The following ZFC3H1 variants were observed in gnomAD, a reference collection of about 807,000 sequenced individuals.
ZFC3H1 encodes zinc finger C3H1-type containing.
Under a neutral mutation model 243.7 loss-of-function variants are expected in ZFC3H1, and 71 were observed. The ratio of observed to expected loss-of-function variants is 0.29; its 90% CI spans 0.24 to 0.36. ZFC3H1 has a LOEUF of 0.36. ZFC3H1 is among the 10% of genes least tolerant of loss of function. The pLI, the probability that ZFC3H1 is intolerant of heterozygous loss-of-function variation, is 1.00. For synonymous variants in ZFC3H1, 838 were observed against 813.0 expected, an observed-to-expected ratio of 1.03 and a Z score of -0.52; for missense variants, 1,966 against 2,317.1, an observed-to-expected ratio of 0.85 and a Z score of 3.11.
intron 6 of ZFC3H1, among the ~76,000 whole-genome samples, chr12:71,640,181 C>T (rs1224965735): frequency 6.6e-6 from 1 of 152,204 alleles, no homozygotes; most frequent in African/African-American, 2.4e-5. Context: ...GCCACCACTA[C>T]TGGCTAATTT....
intron 9 of ZFC3H1, 88 bp from the exon 10 acceptor site, chr12:71,635,668 C>T: frequency 3.0e-6 from 4 of 1,345,540 alleles, no homozygotes; most frequent in South Asian, 1.7e-5. Flanking sequence ...TAATGGGCTC[C>T]AAGTAGACAG....
At chr12:71,634,611 T>C (rs1217113846) in intron 11 of ZFC3H1, 93 bp downstream of exon 11, 4 of 1,358,892 alleles carry the variant, frequency 2.9e-6, no homozygotes, top group Non-Finnish European at 4.0e-6. Context: ...GATAAAACTA[T>C]CATCACTCAT....
At chr12:71,615,385 T>A in intron 27 of ZFC3H1, 69 bp from the exon 28 acceptor site, 2 of 1,028,938 alleles carry the variant, frequency 1.9e-6, no homozygotes, top group South Asian at 2.9e-5. Context: ...ACATATTTTT[T>A]AAAATCGTTA....
At position 71,633,320 on chromosome 12, in the gene ZFC3H1, C is replaced by T; in HGVS notation, c.2629G>A (p.Ala877Thr). ...TTAACATTAAGAATTTTTTCAGTTG[C>T]TTGAAGCTGTTCTGTAAGTTTTGTA... ...KITKLTEQLQATEKILNVNRM... is the reference protein window; with the variant it reads ...KITKLTEQLQTTEKILNVNRM... The change falls in exon 13 of 35, where the codon GCA (alanine) becomes ACA (threonine). Residue 877 changes from alanine to threonine, a missense_variant. Ala to Thr is a moderately conservative substitution (Grantham distance 58). Coordinates refer to ENST00000378743, the MANE Select transcript of ZFC3H1 (RefSeq NM_144982.5). 1.4e-5 allele frequency: 23 copies of T among 1,597,998 alleles called. No individual in the cohort carries two copies. The highest frequency in any genetic ancestry group is 2.0e-5 in the Non-Finnish European group (23 of 1,174,432).
At chr12:71,624,961 C>T (rs1042483452) in intron 22 of ZFC3H1, among the ~76,000 whole-genome samples, 23 of 151,932 alleles carry the variant, frequency 1.5e-4, no homozygotes, top group Admixed American at 6.6e-4. Flanking sequence ...AGCGAGACTC[C>T]GTCTCAAAAA....
At chr12:71,626,073 T>A (rs1038392698) in intron 22 of ZFC3H1, among the ~76,000 whole-genome samples, 187 bp downstream of exon 22, 44 of 152,294 alleles carry the variant, frequency 2.9e-4, no homozygotes, top group African/African-American at 9.9e-4. Flanking sequence ...ATTTTCTTCT[T>A]GCTTAGTCTA....
chr12:71,624,912 A>G (rs1291605100), intron 22 of ZFC3H1, among the ~76,000 whole-genome samples: 1 of 152,238 alleles, frequency 6.6e-6, no homozygotes, highest in Non-Finnish European at 1.5e-5. Context: ...GGTTGCAGTG[A>G]GCCAACATCA....
At chr12:71,646,727 C>G (rs771201042) in intron 3 of ZFC3H1, among the ~76,000 whole-genome samples, 10 of 152,180 alleles carry the variant, frequency 6.6e-5, no homozygotes, top group Non-Finnish European at 1.5e-4. Context: ...GCTGGGATTA[C>G]AGGCATAAGC....
intron 5 of ZFC3H1, among the ~76,000 whole-genome samples, chr12:71,643,876 G>A (rs1385327098): frequency 2.6e-5 from 4 of 152,048 alleles, no homozygotes; most frequent in Non-Finnish European, 4.4e-5. Context: ...ACAGAAAATC[G>A]TAAAAAACCT....
intron 24 of ZFC3H1, among the ~76,000 whole-genome samples, chr12:71,623,026 T>A (rs1185322153): frequency 3.7e-5 from 4 of 108,714 alleles, no homozygotes; most frequent in Non-Finnish European, 4.9e-5. Flanking sequence ...CTTAATGGAC[T>A]GCTAAAAAAA....
In ZFC3H1 at chr12:71,634,806, A is replaced by G. The variant is rs775081787; in HGVS notation, c.2258T>C (p.Val753Ala). The change falls in exon 11 of 35, where the codon GTA (valine) becomes GCA (alanine). Residue 753 changes from valine to alanine, a missense_variant. Transcript: ENST00000378743. ...ATTTTCTTTTTCAGATTTTGGAGGTACTTTCGGTTTTGAAGCTTGCTAAAA... is the reference window on the plus strand; with the variant it reads ...ATTTTCTTTTTCAGATTTTGGAGGTGCTTTCGGTTTTGAAGCTTGCTAAAA... The part of the protein sequence containing the change: ...RTAEQASKPK[V>A]PPKSEKENDP... 1.3e-6 allele frequency: 2 copies of G among 1,590,288 alleles called. No individual in the cohort carries two copies. Among genetic ancestry groups the G allele is most frequent in the Non-Finnish European group, 1.7e-6 (2 of 1,172,502 alleles).
intron 27 of ZFC3H1, among the ~76,000 whole-genome samples, chr12:71,618,291 CA>C (rs200064611): frequency 2.7e-5 from 4 of 147,300 alleles, no homozygotes; most frequent in African/African-American, 1.0e-4. Context: ...AAAAAAAAAA[CA>C]AAAACAAAAA....
intron 22 of ZFC3H1, among the ~76,000 whole-genome samples, chr12:71,625,741 G>C (rs1880148719): frequency 6.6e-6 from 1 of 152,080 alleles, no homozygotes; most frequent in African/African-American, 2.4e-5. Context: ...AAGAGGAAGA[G>C]GCCATTTTTT....
chr12:71,630,511 G>A lies in ZFC3H1; in HGVS notation c.3724+89C>T, dbSNP rs925811709. 12 of 1,464,126 alleles carry A rather than the reference G, an allele frequency of 8.2e-6. No individual in the cohort carries two copies. The East Asian group carries it at 2.3e-4, about 28-fold the overall frequency. The allele number at this position is 1,464,126 out of a possible 1,614,324, so 90.7% of individuals were successfully genotyped here. On this transcript the variant is annotated intron_variant, in intron 18 of 34. Coordinates refer to ENST00000378743, the MANE Select transcript of ZFC3H1 (RefSeq NM_144982.5). Reference sequence around the variant, plus strand: ...GGGTAAATACACTGAATTATAGTAAGTATTTTACAATGTCAACAACTAATA... The same window carrying A: ...GGGTAAATACACTGAATTATAGTAAATATTTTACAATGTCAACAACTAATA...
rs1250956001 is a variant in ZFC3H1, at chr12:71,628,977, G to A, written c.3887C>T (p.Pro1296Leu). The change falls in exon 20 of 35, where the codon CCT becomes CTT. Residue 1296 changes from proline to leucine, a missense_variant. By Grantham distance (98) the Pro-to-Leu change is moderately conservative. This residue lies in a region of ZFC3H1 where 1,383 missense variants were observed against 1,723.7 expected (regional missense o/e 0.80). Coordinates refer to ENST00000378743, the MANE Select transcript of ZFC3H1 (RefSeq NM_144982.5). ...ACTACTGAAGCTATTATCTGAAATA[G>A]GTTTTCTCCAAAACTTTGGCTTCCA... ...RKWKPKFWRK[P>L]ISDNSFSSDE... The A allele has an allele frequency of 6.2e-7, 1 of 1,613,142 alleles. No individual in the cohort carries two copies. The highest frequency in any genetic ancestry group is 1.7e-4 in the Middle Eastern group (1 of 5,988).
At chr12:71,638,605 T>C in intron 6 of ZFC3H1, 90 bp from the exon 7 acceptor site, 1 of 1,052,344 alleles carries the variant, frequency 9.5e-7, no homozygotes, top group Non-Finnish European at 1.4e-6. Context: ...GAAATACATC[T>C]AGGTGGAGTG....
chr12:71,624,687 G>A (rs1174267685), intron 22 of ZFC3H1, among the ~76,000 whole-genome samples: 1 of 152,202 alleles, frequency 6.6e-6, no homozygotes, highest in Non-Finnish European at 1.5e-5. Context: ...ATTTGTATTA[G>A]AAATGTGCTG....
intron 24 of ZFC3H1, among the ~76,000 whole-genome samples, chr12:71,622,016 A>G (rs1880042509): frequency 6.6e-6 from 1 of 152,210 alleles, no homozygotes; most frequent in African/African-American, 2.4e-5. Context: ...ATTCTTGACA[A>G]TCAAGTATCA....
intron 1 of ZFC3H1, among the ~76,000 whole-genome samples, chr12:71,660,729 C>T (rs7295222): frequency 0.38 from 58,271 of 151,784 alleles, 13,096 homozygotes; most frequent in East Asian, 0.82. Context: ...TTTTTATATA[C>T]ATACTTCAGT....
Sources: gnomAD v4.1 joint callset for allele counts (sites outside exome capture counted in the v4.1 genomes callset) on GRCh38, gnomAD v4.1.1 for gene constraint, gnomAD v4.1.1 regional missense constraint, MANE v1.5 for transcripts, NCBI Gene and HGNC (gene_info 2026-07-23, HGNC 2026-07-21) for gene names.